The following DPPA2 variants were observed in gnomAD, a reference collection of about 807,000 sequenced individuals.
The protein encoded by DPPA2 is developmental pluripotency associated 2, also known as developmental pluripotency-associated protein 2.
In DPPA2, 26 loss-of-function variants were observed where a neutral mutation model predicts 36.2. The observed-to-expected ratio is 0.72, with a 90% CI of 0.53 to 1.00. DPPA2 has a LOEUF of 1.00. Among genes scored for constraint, DPPA2 ranks in the 50% least tolerant of loss-of-function variants. DPPA2 has a pLI of 0.00. For synonymous variants in DPPA2, 113 were observed against 123.2 expected, an observed-to-expected ratio of 0.92 and a Z score of 0.55; for missense variants, 361 against 365.1, an observed-to-expected ratio of 0.99 and a Z score of 0.09.
In DPPA2 at chr3:109,312,693, C is replaced by A. The variant is rs773018766; in HGVS notation, c.34-1G>T. 2.5e-6 allele frequency: 4 copies of A among 1,612,710 alleles called. No homozygotes were observed. The South Asian group carries it at 3.3e-5, about 13-fold the overall frequency. On this transcript the variant is annotated splice_acceptor_variant, in intron 2 of 8. Transcript: ENST00000478945. LOFTEE classifies it high-confidence loss of function. ...CATCTACTTCCCCCTCCAAGAAATTCTGGAAAGAGAAGTCAGTCACTGATT... is the reference window on the plus strand; with the variant it reads ...CATCTACTTCCCCCTCCAAGAAATTATGGAAAGAGAAGTCAGTCACTGATT...
intron 2 of DPPA2, among the ~76,000 whole-genome samples, chr3:109,314,287 G>A (rs1212263996): frequency 6.6e-6 from 1 of 151,920 alleles, no homozygotes; most frequent in African/African-American, 2.4e-5. Flanking sequence ...TTTGGACTAA[G>A]AGGAGAAAAT....
At position 109,308,992 on chromosome 3, in the gene DPPA2, C is replaced by A. The variant is rs929270374; in HGVS notation, c.396+34G>T. 6 of 1,613,652 alleles carry A rather than the reference C, an allele frequency of 3.7e-6. No homozygotes were observed. In the African/African-American group the frequency reaches 8.0e-5, roughly 22 times the overall value. ...GGACCGGACGAATCATGATCAGAAC[C>A]CACCTTCACACCATCAACACACTCA... On this transcript the variant is annotated intron_variant, in intron 5 of 8. Coordinates refer to ENST00000478945, the MANE Select transcript of DPPA2 (RefSeq NM_138815.4).
At chr3:109,304,385 C>G (rs1395307054) in intron 7 of DPPA2, 90 bp downstream of exon 7, 2 of 1,322,316 alleles carry the variant, frequency 1.5e-6, no homozygotes, top group Admixed American at 5.4e-5. Flanking sequence ...AGCATGTTCG[C>G]CCTCTGCTTT....
chr3:109,309,517 C>A (rs533452402), intron 3 of DPPA2, among the ~76,000 whole-genome samples, 187 bp from the exon 4 acceptor site: 3 of 151,134 alleles, frequency 2.0e-5, no homozygotes, highest in Non-Finnish European at 4.4e-5. Context: ...GAAACCCCGT[C>A]TCTACTAAAA....
chr3:109,298,095 A>G (rs533595177), intron 8 of DPPA2, among the ~76,000 whole-genome samples: 1 of 152,110 alleles, frequency 6.6e-6, no homozygotes, highest in African/African-American at 2.4e-5. Flanking sequence ...TGGGTGACTG[A>G]GCAAAAAGAT....
intron 2 of DPPA2, among the ~76,000 whole-genome samples, chr3:109,313,168 T>C (rs1035679423): frequency 1.3e-4 from 20 of 152,226 alleles, no homozygotes; most frequent in African/African-American, 4.8e-4. Context: ...GATTGTTCCA[T>C]GCTTGTTGAA....
rs970762108 is a variant in DPPA2, at chr3:109,310,651, A to G, written c.182-1321T>C. ...CTCCCGAGTAGGTGGGACTACAGGC[A>G]CGCGCCACCATGCCCAGCTAATTTT... On this transcript the variant is annotated intron_variant, in intron 3 of 8. Coordinates refer to ENST00000478945, the MANE Select transcript of DPPA2 (RefSeq NM_138815.4). Among the ~76,000 whole-genome samples the G allele has an allele frequency of 3.6e-4, 53 of 147,502 alleles. No homozygotes were observed. In the East Asian group the frequency reaches 9.4e-3, roughly 26 times the overall value.
chr3:109,313,305 G>A (rs911553770), intron 2 of DPPA2, among the ~76,000 whole-genome samples: 8 of 152,160 alleles, frequency 5.3e-5, no homozygotes, highest in Non-Finnish European at 8.8e-5. Flanking sequence ...CATGACCTCT[G>A]AGCTTTCTGA....
rs749197257 is a variant in DPPA2, at chr3:109,308,145, G to A, written c.545C>T (p.Pro182Leu). 9.8e-5 allele frequency: 158 copies of A among 1,614,036 alleles called. 1 individual carries two copies. Among genetic ancestry groups the A allele is most frequent in the South Asian group, 2.9e-4 (26 of 91,080 alleles). ...TNTVEVITSA[P>L]GAMLASWARI... ...TGCCCATGATGCCAACATGGCTCCCGGTGCTGAAGTTATCACTTCAACTGT... is the reference window on the plus strand; with the variant it reads ...TGCCCATGATGCCAACATGGCTCCCAGTGCTGAAGTTATCACTTCAACTGT... Residue 182 changes from proline to leucine, a missense_variant, in exon 6 of 9, where the codon CCG becomes CTG. Pro to Leu is a moderately conservative substitution (Grantham distance 98). Transcript: ENST00000478945.
At chr3:109,302,327 C>T (rs931999052) in intron 7 of DPPA2, among the ~76,000 whole-genome samples, 2 of 152,188 alleles carry the variant, frequency 1.3e-5, no homozygotes, top group Admixed American at 6.6e-5. Context: ...ATCTTGCTCT[C>T]ATTACTCCTA....
At chr3:109,303,393 G>A (rs1189923424) in intron 7 of DPPA2, among the ~76,000 whole-genome samples, 3 of 145,276 alleles carry the variant, frequency 2.1e-5, no homozygotes, top group Non-Finnish European at 4.5e-5. Flanking sequence ...TTTTTGAGAC[G>A]GAGTTTCACT....
chr3:109,312,564 C>A lies in DPPA2; in HGVS notation c.162G>T (p.Lys54Asn). ...TCATACCTGGATTGTATTTCTTAGG[C>A]TTCTCCAGTTTGACATCAGAAGTTG... ...VSSTSDVKLE[K>N]PKKYNPGHLL... Residue 54 changes from lysine to asparagine, a missense_variant, in exon 3 of 9, where the codon AAG (lysine) becomes AAT (asparagine). Physicochemically the swap from Lys to Asn is moderately conservative, Grantham distance 94 (BLOSUM62 0). Transcript: ENST00000478945. The A allele has an allele frequency of 6.2e-7, 1 of 1,613,372 alleles. No homozygotes were observed. Among genetic ancestry groups the A allele is most frequent in the Non-Finnish European group, 8.5e-7 (1 of 1,179,600 alleles).
At chr3:109,316,191 A>T (rs976139217) in intron 1 of DPPA2, 93 bp downstream of exon 1, 2 of 97,874 alleles carry the variant, frequency 2.0e-5, no homozygotes, top group Non-Finnish European at 4.3e-5. Flanking sequence ...ATGCCGTCCC[A>T]CCCCCGCCCC....
chr3:109,301,566 C>T (rs928818487), intron 7 of DPPA2, among the ~76,000 whole-genome samples: 1 of 151,764 alleles, frequency 6.6e-6, no homozygotes, highest in African/African-American at 2.4e-5. Flanking sequence ...GCAGGAGAAT[C>T]GCTTGAACCT....
chr3:109,303,091 T>C (rs1707485986), intron 7 of DPPA2, among the ~76,000 whole-genome samples: 1 of 152,078 alleles, frequency 6.6e-6, no homozygotes, highest in South Asian at 2.1e-4. Context: ...AAATATATTA[T>C]ATTCTTTATT....
At chr3:109,310,069 A>T (rs1707670296) in intron 3 of DPPA2, among the ~76,000 whole-genome samples, 1 of 151,556 alleles carries the variant, frequency 6.6e-6, no homozygotes, top group Non-Finnish European at 1.5e-5. Flanking sequence ...CTAAAAAAAA[A>T]AATTCAAAAT....
chr3:109,306,809 A>G (rs966107178), intron 6 of DPPA2, among the ~76,000 whole-genome samples: 3 of 151,558 alleles, frequency 2.0e-5, no homozygotes, highest in Non-Finnish European at 4.4e-5. Flanking sequence ...CTACTGAAAA[A>G]AAAAAAATAC....
chr3:109,308,913 C>T, intron 5 of DPPA2, 113 bp downstream of exon 5: 1 of 1,269,606 alleles, frequency 7.9e-7, no homozygotes, highest in Non-Finnish European at 1.1e-6. Context: ...AATAATGCCA[C>T]AGTGAAGAAA....
chr3:109,314,463 C>T (rs1707757541), intron 2 of DPPA2, 47 bp downstream of exon 2: 5 of 1,597,976 alleles, frequency 3.1e-6, no homozygotes, highest in Middle Eastern at 1.9e-4. Flanking sequence ...TAGAAAGACT[C>T]TGAAAAGCGA....
Sources: allele counts gnomAD v4.1 joint callset (sites outside exome capture counted in the v4.1 genomes callset), GRCh38; gene constraint gnomAD v4.1.1; transcripts MANE v1.5; gene names NCBI Gene and HGNC (gene_info 2026-07-23, HGNC 2026-07-21).